The following APBB2 variants were observed in gnomAD, a reference collection of about 807,000 sequenced individuals.
The protein encoded by APBB2 is Fe65-like 1.
A neutral mutation model predicts 82.5 loss-of-function variants in APBB2; 38 were observed. The ratio of observed to expected loss-of-function variants is 0.46; its 90% CI spans 0.36 to 0.60. APBB2 has a LOEUF of 0.60. APBB2 is among the 20% of genes least tolerant of loss of function. The pLI is 0.00. For synonymous variants in APBB2, 341 were observed against 368.2 expected (o/e 0.93, Z 0.85); for missense variants, 772 against 972.3 (o/e 0.79, Z 2.74).
intron 10 of APBB2, among the ~76,000 whole-genome samples, chr4:40,927,710 G>A (rs774538976): frequency 6.6e-6 from 1 of 152,102 alleles, no homozygotes; most frequent in Non-Finnish European, 1.5e-5. Context: ...TCGAACTCCT[G>A]GGCTCAAGAG....
At chr4:41,184,696 A>C (rs1772388883) in intron 1 of APBB2, among the ~76,000 whole-genome samples, 1 of 152,214 alleles carries the variant, frequency 6.6e-6, no homozygotes, top group South Asian at 2.1e-4. Flanking sequence ...TTGCTGAGCA[A>C]ATGCAGGTAA....
intron 12 of APBB2, among the ~76,000 whole-genome samples, chr4:40,836,030 G>A (rs535580009): frequency 5.3e-5 from 8 of 152,282 alleles, no homozygotes; most frequent in Admixed American, 2.0e-4. Context: ...TGGACAAGAC[G>A]TGTGGGGTGC....
At chr4:40,905,323 CCCAGCG>C (rs1167999492) in intron 10 of APBB2, among the ~76,000 whole-genome samples, 1 of 152,158 alleles carries the variant, frequency 6.6e-6, no homozygotes, top group East Asian at 1.9e-4. Flanking sequence ...TTGGGAAACA[CCCAGCG>C]CACACGCAAT....
rs753520365 is a variant in APBB2 at position 40,937,491 on chromosome 4, A to G, written c.1045-2352T>C. Among the ~76,000 whole-genome samples the G allele has an allele frequency of 3.9e-5, 6 of 152,342 alleles. No homozygotes were observed. In the East Asian group the frequency reaches 7.7e-4, roughly 20 times the overall value. ...AATCCAGCTCTCATGTTATGGAAAC[A>G]TGAGTTAGATGGCAAATGTCCAACA... On this transcript the variant is annotated intron_variant, in intron 7 of 17. Transcript: ENST00000508593.
At chr4:40,976,822 T>C (rs1458361185) in intron 6 of APBB2, among the ~76,000 whole-genome samples, 1 of 152,052 alleles carries the variant, frequency 6.6e-6, no homozygotes, top group Non-Finnish European at 1.5e-5. Context: ...GAGGATTAGC[T>C]TGAGCCTAGG....
At chr4:41,052,315 A>G (rs879620006) in intron 4 of APBB2, among the ~76,000 whole-genome samples, 6 of 152,054 alleles carry the variant, frequency 3.9e-5, no homozygotes, top group Admixed American at 3.9e-4. Flanking sequence ...GGTCAAACTA[A>G]CCCCAACTTG....
intron 10 of APBB2, among the ~76,000 whole-genome samples, chr4:40,907,093 CAACTT>C (rs1399800617): frequency 2.6e-5 from 4 of 151,934 alleles, no homozygotes; most frequent in Admixed American, 2.6e-4. Flanking sequence ...CTTGTTCAAT[CAACTT>C]AATCCACATA....
At chr4:41,110,392 C>G (rs1228119183) in intron 2 of APBB2, among the ~76,000 whole-genome samples, 1 of 152,074 alleles carries the variant, frequency 6.6e-6, no homozygotes, top group Non-Finnish European at 1.5e-5. Context: ...ATCATGAGGT[C>G]AGGAGTTCGA....
chr4:41,181,796 T>C (rs1014181308), intron 1 of APBB2, among the ~76,000 whole-genome samples: 2 of 151,634 alleles, frequency 1.3e-5, no homozygotes, highest in African/African-American at 4.8e-5. Flanking sequence ...AAATACAAAA[T>C]TAGCCCGGCA....
chr4:40,927,252 C>T (rs1242351282), intron 10 of APBB2, among the ~76,000 whole-genome samples: 2 of 152,124 alleles, frequency 1.3e-5, no homozygotes, highest in East Asian at 3.8e-4. Context: ...GTACCAAAAA[C>T]CTCTCCTGAC....
intron 1 of APBB2, among the ~76,000 whole-genome samples, chr4:41,202,283 G>C (rs1776887499): frequency 6.6e-6 from 1 of 152,110 alleles, no homozygotes; most frequent in African/African-American, 2.4e-5. Context: ...ATTTACTGTA[G>C]GCAATCCATA....
intron 6 of APBB2, among the ~76,000 whole-genome samples, chr4:40,962,596 G>C (rs779675079): frequency 8.5e-5 from 13 of 152,180 alleles, no homozygotes; most frequent in Admixed American, 1.3e-4. Context: ...GGTGGGCAAT[G>C]TAAGTTTTCT....
At chr4:40,985,437 C>A (rs1189606958) in intron 6 of APBB2, among the ~76,000 whole-genome samples, 1 of 152,084 alleles carries the variant, frequency 6.6e-6, no homozygotes, top group Non-Finnish European at 1.5e-5. Context: ...AAAAGTAGAG[C>A]TTTTCAGGCG....
At chr4:41,184,106 C>T (rs1180946278) in intron 1 of APBB2, among the ~76,000 whole-genome samples, 2 of 152,016 alleles carry the variant, frequency 1.3e-5, no homozygotes, top group South Asian at 2.1e-4. Flanking sequence ...AGGATTCGTG[C>T]TCCTTAGAGA....
chr4:41,087,714 C>A (rs1219848879), intron 3 of APBB2, among the ~76,000 whole-genome samples: 2 of 152,102 alleles, frequency 1.3e-5, no homozygotes, highest in Non-Finnish European at 2.9e-5. Context: ...CAGGTGTGAG[C>A]CACTGTGGCC....
intron 7 of APBB2, among the ~76,000 whole-genome samples, chr4:40,936,739 T>A (rs546102985): frequency 2.6e-5 from 4 of 152,240 alleles, no homozygotes; most frequent in Admixed American, 1.3e-4. Flanking sequence ...ATAATTTCTC[T>A]TAATGAATAA....
intron 1 of APBB2, among the ~76,000 whole-genome samples, chr4:41,206,383 C>CT (rs1777936052): frequency 6.6e-6 from 1 of 152,218 alleles, no homozygotes; most frequent in Non-Finnish European, 1.5e-5. Flanking sequence ...ACATTCCTCT[C>CT]TGTCCTCCTG....
At chr4:40,974,362 G>A (rs1321566669) in intron 6 of APBB2, among the ~76,000 whole-genome samples, 1 of 152,176 alleles carries the variant, frequency 6.6e-6, no homozygotes, top group Non-Finnish European at 1.5e-5. Flanking sequence ...AACTGTTTGA[G>A]GGTAGGGAGA....
In APBB2 at chr4:40,909,817, A is replaced by G. The variant is rs1423412488; in HGVS notation, c.1255-16406T>C. 2.0e-5 allele frequency among the ~76,000 whole-genome samples: 3 copies of G among 152,326 alleles called. No individual in the cohort carries two copies. In the East Asian group the frequency reaches 5.8e-4, roughly 29 times the overall value. ...ATACAAGTCTGGTCTTGGCAGGGAA[A>G]GCATGAAGGTGGGCGCTGACATTTA... On this transcript the variant is annotated intron_variant, in intron 10 of 17. Coordinates refer to ENST00000508593, the MANE Select transcript of APBB2 (RefSeq NM_004307.2).
Sources: allele counts gnomAD v4.1 joint callset (sites outside exome capture counted in the v4.1 genomes callset), GRCh38; gene constraint gnomAD v4.1.1; transcripts MANE v1.5; gene names NCBI Gene and HGNC (gene_info 2026-07-23, HGNC 2026-07-21).